GSG1L: variants seen among roughly 807,000 people sequenced by gnomAD.
GSG1L encodes the protein GSG1 like, also known as germ cell-specific gene 1-like protein.
A neutral mutation model predicts 42.1 loss-of-function variants in GSG1L; 24 were observed. That is an observed-to-expected ratio of 0.57 (90% CI 0.41 to 0.80). GSG1L has a LOEUF of 0.80. Ranked by LOEUF, GSG1L falls within the 30% of genes least tolerant of loss-of-function variation. The pLI, the probability that GSG1L is intolerant of heterozygous loss-of-function variation, is 0.00. For missense variants in GSG1L, 445 were observed against 472.2 expected (o/e 0.94, Z 0.53); for synonymous variants, 215 against 203.5 (o/e 1.06, Z -0.48).
intron 3 of GSG1L, among the ~76,000 whole-genome samples, chr16:27,880,127 G>A (rs769805711): frequency 6.6e-6 from 1 of 152,112 alleles, no homozygotes; most frequent in Non-Finnish European, 1.5e-5. Context: ...CCTCCCACAG[G>A]AGCAGAGCAG....
intron 1 of GSG1L, among the ~76,000 whole-genome samples, chr16:27,979,677 G>A (rs369698379): frequency 0.036 from 1,339 of 36,818 alleles, 21 homozygotes; most frequent in African/African-American, 0.076. Flanking sequence ...GAGAGAGAGA[G>A]AGAAAGAAAG....
intron 1 of GSG1L, among the ~76,000 whole-genome samples, chr16:28,016,959 T>TC (rs1170915653): frequency 1.3e-5 from 2 of 152,314 alleles, no homozygotes; most frequent in African/African-American, 4.8e-5. Flanking sequence ...AGATCTTGCC[T>TC]CCGCCTTTAG....
At chr16:27,958,426 A>AG (rs1205452188) in intron 2 of GSG1L, among the ~76,000 whole-genome samples, 6 of 148,598 alleles carry the variant, frequency 4.0e-5, no homozygotes, top group South Asian at 2.1e-4. Flanking sequence ...AAAAAAAAAA[A>AG]AGAAAAGAAA....
intron 1 of GSG1L, among the ~76,000 whole-genome samples, chr16:28,003,399 G>T (rs931834367): frequency 1.1e-4 from 17 of 152,190 alleles, no homozygotes; most frequent in African/African-American, 4.1e-4. Flanking sequence ...GCCCCTCTCT[G>T]CTCCTCTGAA....
intron 1 of GSG1L, among the ~76,000 whole-genome samples, chr16:28,003,933 G>C (rs1299933837): frequency 6.6e-6 from 1 of 152,236 alleles, no homozygotes; most frequent in Non-Finnish European, 1.5e-5. Flanking sequence ...GCTCTGAAAA[G>C]CTTGAAGCCA....
intron 1 of GSG1L, among the ~76,000 whole-genome samples, chr16:28,034,853 G>A (rs537325450): frequency 1.3e-5 from 2 of 152,270 alleles, no homozygotes; most frequent in South Asian, 4.1e-4. Flanking sequence ...AAATGTCCCT[G>A]GGGTGGAGGT....
At chr16:27,985,041 A>T (rs934259796) in intron 1 of GSG1L, among the ~76,000 whole-genome samples, 1 of 152,072 alleles carries the variant, frequency 6.6e-6, no homozygotes, top group Non-Finnish European at 1.5e-5. Context: ...TACAGGGATG[A>T]GCCCTCATGC....
chr16:27,913,465 A>G (rs912820623), intron 2 of GSG1L, among the ~76,000 whole-genome samples: 3 of 152,210 alleles, frequency 2.0e-5, no homozygotes, highest in African/African-American at 7.2e-5. Flanking sequence ...ATAAATATTC[A>G]TTTGTATTTA....
At chr16:27,958,411 TA>T (rs767157230) in intron 2 of GSG1L, among the ~76,000 whole-genome samples, 112 of 117,556 alleles carry the variant, frequency 9.5e-4, no homozygotes, top group Admixed American at 1.7e-3. Flanking sequence ...AGACTCCATC[TA>T]AAAAAAAAAA....
At chr16:28,038,471 G>A (rs571850064) in intron 1 of GSG1L, among the ~76,000 whole-genome samples, 2 of 152,168 alleles carry the variant, frequency 1.3e-5, no homozygotes, top group East Asian at 3.8e-4. Flanking sequence ...GGTCTCCCCT[G>A]AATCCTCCCT....
chr16:28,032,407 G>A (rs985660314), intron 1 of GSG1L, among the ~76,000 whole-genome samples: 12 of 152,202 alleles, frequency 7.9e-5, no homozygotes, highest in South Asian at 2.1e-4. Context: ...CAGAGCTGGC[G>A]TAGTGAGAGT....
intron 1 of GSG1L, among the ~76,000 whole-genome samples, chr16:27,971,353 G>C (rs1351626117): frequency 6.6e-6 from 1 of 152,028 alleles, no homozygotes; most frequent in African/African-American, 2.4e-5. Flanking sequence ...CAGAATATAG[G>C]TTTCATGCTT....
chr16:28,012,010 C>G (rs2141156876), intron 1 of GSG1L, among the ~76,000 whole-genome samples: 1 of 152,214 alleles, frequency 6.6e-6, no homozygotes, highest in South Asian at 2.1e-4. Context: ...TCATGTCACT[C>G]CCCTGCTTAC....
chr16:27,893,122 G>A (rs1487134701), intron 2 of GSG1L, among the ~76,000 whole-genome samples: 1 of 152,172 alleles, frequency 6.6e-6, no homozygotes, highest in Non-Finnish European at 1.5e-5. Flanking sequence ...TTGCGGCAGA[G>A]AACAGGTGAC....
At position 27,924,181 on chromosome 16, in the gene GSG1L, T is replaced by C. The variant is rs75741958; in HGVS notation, c.397+38975A>G. Reference sequence around the variant, plus strand: ...AATATATATGCACAAATATATATAATGTCTATATACACAAATATAGACATT... The same window carrying C: ...AATATATATGCACAAATATATATAACGTCTATATACACAAATATAGACATT... On this transcript the variant is annotated intron_variant, in intron 2 of 6. Coordinates refer to ENST00000447459, the MANE Select transcript of GSG1L (RefSeq NM_001109763.2). Among the ~76,000 whole-genome samples the C allele has an allele frequency of 8.8e-3, 1,336 of 151,638 alleles. 23 individuals are homozygous for C. Among genetic ancestry groups the C allele is most frequent in the African/African-American group, 0.031 (1,267 of 41,424 alleles).
Position 27,828,834 on chromosome 16 carries a change from T to C in GSG1L, c.785A>G (p.Glu262Gly). The C allele has an allele frequency of 6.2e-7, 1 of 1,614,158 alleles. No individual in the cohort carries two copies. The highest frequency in any genetic ancestry group is 1.3e-5 in the African/African-American group (1 of 75,058). Reference protein sequence around the residue: ...RKVFEQGYREEPTFIDPEAIK... With the variant: ...RKVFEQGYREGPTFIDPEAIK... ...GGCCTCAGGGTCTATGAAGGTCGGC[T>C]CTTCCCGGTAGCCCTGCTCAAAGAC... is the stretch of plus-strand genomic sequence containing the variant. Residue 262 changes from glutamate to glycine, a missense_variant, in exon 5 of 7, where the codon GAG becomes GGG. This residue lies in a region of GSG1L where 140 missense variants were observed against 120.6 expected (regional missense o/e 1.16). Transcript: ENST00000447459.
intron 3 of GSG1L, among the ~76,000 whole-genome samples, chr16:27,854,896 C>T (rs2083557281): frequency 6.6e-6 from 1 of 152,194 alleles, no homozygotes; most frequent in East Asian, 1.9e-4. Context: ...GGGAAAGCCA[C>T]CCTTGGATGT....
intron 1 of GSG1L, among the ~76,000 whole-genome samples, chr16:28,015,426 G>C (rs1311006553): frequency 6.6e-6 from 1 of 152,176 alleles, no homozygotes; most frequent in East Asian, 1.9e-4. Context: ...GATCACTTCA[G>C]CCCAGGAATT....
intron 2 of GSG1L, among the ~76,000 whole-genome samples, chr16:27,906,229 T>C (rs945232203): frequency 6.6e-6 from 1 of 152,170 alleles, no homozygotes; most frequent in Non-Finnish European, 1.5e-5. Flanking sequence ...TCTCTCGTAA[T>C]AAAATTTAAA....
Sources: gnomAD v4.1 joint callset for allele counts (sites outside exome capture counted in the v4.1 genomes callset) on GRCh38, gnomAD v4.1.1 for gene constraint, gnomAD v4.1.1 regional missense constraint, MANE v1.5 for transcripts, NCBI Gene and HGNC (gene_info 2026-07-23, HGNC 2026-07-21) for gene names.